Variants in TRAPPC9 observed in about 807,000 individuals in gnomAD.
The protein encoded by TRAPPC9 is trafficking protein particle complex subunit 9, also known as IKK2 binding protein.
A neutral mutation model predicts 124.0 loss-of-function variants in TRAPPC9; 83 were observed. That is an observed-to-expected ratio of 0.67 (90% confidence interval 0.56 to 0.80). TRAPPC9 has a LOEUF of 0.80. TRAPPC9 is among the 30% of genes least tolerant of loss of function. The pLI is 0.00. For synonymous variants in TRAPPC9, 638 were observed against 617.5 expected (o/e 1.03, Z -0.49); for missense variants, 1,302 against 1,508.3 (o/e 0.86, Z 2.27).
chr8:140,129,781 T>C (rs1399842357), intron 17 of TRAPPC9, among the ~76,000 whole-genome samples: 10 of 152,040 alleles, frequency 6.6e-5, no homozygotes, highest in Admixed American at 6.5e-4. Context: ...CGGATCGGAA[T>C]TGGAGGGATC....
intron 19 of TRAPPC9, among the ~76,000 whole-genome samples, chr8:139,924,781 C>T (rs1020216662): frequency 2.6e-5 from 4 of 152,226 alleles, no homozygotes; most frequent in African/African-American, 9.6e-5. Flanking sequence ...TTTCGTCCAC[C>T]TCCTTCGCTC....
At position 140,252,716 on chromosome 8, in the gene TRAPPC9, G is replaced by T; in HGVS notation, c.2431+61C>A. 6.3e-7 allele frequency: 1 copy of T among 1,589,276 alleles called. No homozygotes were observed. Among genetic ancestry groups the T allele is most frequent in the East Asian group, 2.2e-5 (1 of 44,788 alleles). On this transcript the variant is annotated intron_variant, in intron 16 of 22. Coordinates refer to ENST00000438773, the MANE Select transcript of TRAPPC9 (RefSeq NM_001160372.4). The surrounding 1 kb of genome is among the most constrained non-coding windows in gnomAD (Gnocchi z 4.2). Reference sequence around the variant, plus strand: ...CAGCAAACAGCAGGCATCAAGGGATGGGGGTTGCTACACAGTATCTAGGAC... The same window carrying T: ...CAGCAAACAGCAGGCATCAAGGGATTGGGGTTGCTACACAGTATCTAGGAC...
At chr8:140,447,795 A>G (rs1384484128) in intron 2 of TRAPPC9, among the ~76,000 whole-genome samples, 5 of 151,910 alleles carry the variant, frequency 3.3e-5, no homozygotes, top group Non-Finnish European at 7.4e-5. Context: ...CCTCACTCCT[A>G]CCAAGAGCTG....
At chr8:139,769,332 C>T (rs1043094421) in intron 21 of TRAPPC9, among the ~76,000 whole-genome samples, 13 of 152,174 alleles carry the variant, frequency 8.5e-5, no homozygotes, top group Non-Finnish European at 2.9e-5. Flanking sequence ...ATAAGAGTGA[C>T]TGAATGCCAG....
chr8:139,902,667 A>T (rs1025660239), intron 20 of TRAPPC9, among the ~76,000 whole-genome samples: 2 of 152,212 alleles, frequency 1.3e-5, no homozygotes, highest in African/African-American at 4.8e-5. Flanking sequence ...TTGTTTAAAG[A>T]TATTTAATTT....
At chr8:140,194,836 C>G (rs2062598425) in intron 17 of TRAPPC9, among the ~76,000 whole-genome samples, 4 of 151,678 alleles carry the variant, frequency 2.6e-5, no homozygotes, top group Non-Finnish European at 5.9e-5. Flanking sequence ...GCTCACACCT[C>G]TGACCACTAA....
chr8:139,732,833 G>C (rs1362764073), intron 21 of TRAPPC9, among the ~76,000 whole-genome samples: 2 of 152,096 alleles, frequency 1.3e-5, no homozygotes, highest in Admixed American at 6.5e-5. Flanking sequence ...CACGGTTCTG[G>C]GACCCGTGGA....
chr8:139,903,621 T>C (rs1357760763), intron 20 of TRAPPC9, among the ~76,000 whole-genome samples: 2 of 152,238 alleles, frequency 1.3e-5, no homozygotes, highest in Non-Finnish European at 2.9e-5. Flanking sequence ...GGAGCCAGGC[T>C]GCGATGTAGA....
intron 21 of TRAPPC9, among the ~76,000 whole-genome samples, chr8:139,778,906 TA>T (rs1821580646): frequency 6.6e-6 from 1 of 151,992 alleles, no homozygotes; most frequent in South Asian, 2.1e-4. Flanking sequence ...ACTATAAACT[TA>T]AAGATCCAAG....
intron 1 of TRAPPC9, among the ~76,000 whole-genome samples, chr8:140,455,427 G>A (rs563054499): frequency 7.8e-4 from 117 of 150,506 alleles, no homozygotes; most frequent in African/African-American, 2.6e-3. Flanking sequence ...CATTATTCTT[G>A]TTTTTTGTTT....
chr8:139,891,718 A>G (rs1419813202), intron 20 of TRAPPC9, among the ~76,000 whole-genome samples: 2 of 152,198 alleles, frequency 1.3e-5, no homozygotes, highest in Non-Finnish European at 2.9e-5. Flanking sequence ...TGCAGAGTCC[A>G]CCATAACCCC....
rs756067704 is a variant in TRAPPC9, at chr8:140,311,338, G to A, written c.1532C>T (p.Thr511Met). 73 of 1,613,830 alleles carry A rather than the reference G, an allele frequency of 4.5e-5. No individual in the cohort carries two copies. Among genetic ancestry groups the A allele is most frequent in the Non-Finnish European group, 5.8e-5 (68 of 1,179,996 alleles). Reference protein sequence around the residue: ...KDVAQSLENYTSKCPGTMEPI... With the variant: ...KDVAQSLENYMSKCPGTMEPI... ...CTCCATGGTCCCAGGACACTTGGACGTATAGTTCTCTAGGCTTTGGGCCAC... is the reference window on the plus strand; with the variant it reads ...CTCCATGGTCCCAGGACACTTGGACATATAGTTCTCTAGGCTTTGGGCCAC... Residue 511 changes from threonine to methionine, a missense_variant, in exon 10 of 23, where the codon ACG (threonine) becomes ATG (methionine). This residue lies in a region of TRAPPC9 where 657 missense variants were observed against 811.2 expected (regional missense o/e 0.81). Coordinates refer to ENST00000438773, the MANE Select transcript of TRAPPC9 (RefSeq NM_001160372.4).
rs1421910817 is a variant in TRAPPC9 at position 139,825,553 on chromosome 8, C to A, written c.3055+60326G>T. On this transcript the variant is annotated intron_variant, in intron 21 of 22. Coordinates refer to ENST00000438773, the MANE Select transcript of TRAPPC9 (RefSeq NM_001160372.4). This position sits in a 1 kb window ranked among gnomAD's most constrained non-coding sequence, Gnocchi z 4.6. ...ACTCAGAGAATCTCTGCCCTTAATC[C>A]CTTTGGGATCAATTAATGTTCCCAA... Among the ~76,000 whole-genome samples the A allele has an allele frequency of 6.6e-6, 1 of 152,120 alleles. No individual in the cohort carries two copies. Among genetic ancestry groups the A allele is most frequent in the Admixed American group, 6.5e-5 (1 of 15,268 alleles).
intron 17 of TRAPPC9, among the ~76,000 whole-genome samples, chr8:140,220,601 T>C (rs183921033): frequency 2.0e-4 from 31 of 152,304 alleles, no homozygotes; most frequent in African/African-American, 7.0e-4. Context: ...TATTCCTTCT[T>C]GCCATGACCT....
At chr8:140,074,898 A>G (rs1809406850) in intron 17 of TRAPPC9, among the ~76,000 whole-genome samples, 2 of 152,182 alleles carry the variant, frequency 1.3e-5, no homozygotes, top group African/African-American at 2.4e-5. Flanking sequence ...CGCCAGTGGT[A>G]TGACCTGCAT....
intron 21 of TRAPPC9, among the ~76,000 whole-genome samples, chr8:139,765,463 G>A (rs970226706): frequency 1.3e-5 from 2 of 152,232 alleles, no homozygotes; most frequent in Non-Finnish European, 2.9e-5. Flanking sequence ...AAGGTTAGTA[G>A]CCAATATCTT....
At chr8:139,924,224 A>G (rs1459052831) in intron 19 of TRAPPC9, among the ~76,000 whole-genome samples, 2 of 152,210 alleles carry the variant, frequency 1.3e-5, no homozygotes, top group Non-Finnish European at 2.9e-5. Flanking sequence ...GGTGAAGGAC[A>G]ATAATGCCAA....
intron 21 of TRAPPC9, among the ~76,000 whole-genome samples, chr8:139,855,732 G>A (rs1827759347): frequency 6.6e-6 from 1 of 152,352 alleles, no homozygotes; most frequent in South Asian, 2.1e-4. Context: ...TGTGGGGCAT[G>A]TCCTGTCTTC....
chr8:140,221,354 C>T, intron 17 of TRAPPC9, 105 bp downstream of exon 17: 3 of 1,513,658 alleles, frequency 2.0e-6, no homozygotes, highest in Non-Finnish European at 2.7e-6. Flanking sequence ...CTTTCAAATA[C>T]ACATAGCCTT....
Sources: gnomAD v4.1 joint callset for allele counts (sites outside exome capture counted in the v4.1 genomes callset) on GRCh38, gnomAD v4.1.1 for gene constraint, gnomAD v4.1.1 regional missense constraint, Gnocchi (gnomAD v3.1) non-coding constraint, MANE v1.5 for transcripts, NCBI Gene and HGNC (gene_info 2026-07-23, HGNC 2026-07-21) for gene names.